EPHA3: variants seen among roughly 807,000 people sequenced by gnomAD.
The protein encoded by EPHA3 is ephrin type-A receptor 3.
Under a neutral mutation model 107.1 loss-of-function variants are expected in EPHA3, and 42 were observed. The observed-to-expected ratio is 0.39, with a 90% CI of 0.31 to 0.51. The LOEUF (loss-of-function observed/expected upper bound fraction) is 0.51. Ranked by LOEUF, EPHA3 falls within the 20% of genes least tolerant of loss-of-function variation. The probability of loss-of-function intolerance (pLI) is 0.78; values close to 1 mark genes in which losing one functional copy is unlikely to be tolerated. For missense variants in EPHA3, 1,183 were observed against 1,211.2 expected (o/e 0.98, Z 0.35); for synonymous variants, 461 against 424.8 (o/e 1.09, Z -1.05).
rs146564930 is a variant in EPHA3, at chr3:89,145,242, T to C, written c.153+17969T>C. On this transcript the variant is annotated intron_variant, in intron 2 of 16. Transcript: ENST00000336596. ...TATAATTCAAACAAGTTAGAAACAT[T>C]CTATTTTAGTTGTGTGTATTACATA... Among the ~76,000 whole-genome samples the C allele has an allele frequency of 6.0e-3, 893 of 150,012 alleles. 7 individuals carry two copies. Among genetic ancestry groups the C allele is most frequent in the African/African-American group, 0.02 (833 of 40,894 alleles).
intron 3 of EPHA3, among the ~76,000 whole-genome samples, chr3:89,336,058 C>G (rs1223850908): frequency 6.6e-6 from 1 of 152,112 alleles, no homozygotes; most frequent in Non-Finnish European, 1.5e-5. Context: ...TTTTTTCCAC[C>G]CTTCTTGTCT....
chr3:89,306,098 C>T (rs912120992), intron 3 of EPHA3, among the ~76,000 whole-genome samples: 1 of 152,070 alleles, frequency 6.6e-6, no homozygotes, highest in African/African-American at 2.4e-5. Context: ...TGATTGCTTA[C>T]TACATTCCAG....
intron 3 of EPHA3, among the ~76,000 whole-genome samples, chr3:89,267,408 C>T (rs1298609673): frequency 2.0e-5 from 3 of 152,090 alleles, no homozygotes. Context: ...TCAGATGTTA[C>T]TCTCTCAGGA....
At chr3:89,242,248 G>A (rs1267673841) in intron 3 of EPHA3, among the ~76,000 whole-genome samples, 1 of 152,170 alleles carries the variant, frequency 6.6e-6, no homozygotes, top group Non-Finnish European at 1.5e-5. Flanking sequence ...TCCCACTGCA[G>A]GTTAAAATCC....
intron 13 of EPHA3, among the ~76,000 whole-genome samples, chr3:89,444,157 T>C (rs1709834712): frequency 6.6e-6 from 1 of 152,142 alleles, no homozygotes; most frequent in Non-Finnish European, 1.5e-5. Context: ...TATAATCTAT[T>C]CAGTTTTTCA....
intron 14 of EPHA3, among the ~76,000 whole-genome samples, chr3:89,449,898 C>A (rs1436510881): frequency 6.6e-6 from 1 of 152,076 alleles, no homozygotes; most frequent in African/African-American, 2.4e-5. Context: ...ACCAAATTTG[C>A]TCTATCATTT....
intron 3 of EPHA3, among the ~76,000 whole-genome samples, chr3:89,232,321 G>A (rs1436542598): frequency 6.6e-6 from 1 of 152,116 alleles, no homozygotes; most frequent in East Asian, 1.9e-4. Context: ...ATTAGAGGAA[G>A]CTTTATTGCT....
chr3:89,133,722 G>A, intron 2 of EPHA3, among the ~76,000 whole-genome samples: 1 of 152,044 alleles, frequency 6.6e-6, no homozygotes, highest in East Asian at 1.9e-4. Context: ...GACCAATGCC[G>A]GCTGCAGGAA....
intron 13 of EPHA3, among the ~76,000 whole-genome samples, chr3:89,437,020 T>TA (rs1709685791): frequency 6.6e-6 from 1 of 152,170 alleles, no homozygotes. Context: ...ATGCATCCTG[T>TA]AAAACTCCAC....
At chr3:89,351,411 C>G (rs1365138577) in intron 5 of EPHA3, among the ~76,000 whole-genome samples, 7 of 150,830 alleles carry the variant, frequency 4.6e-5, no homozygotes, top group Admixed American at 2.0e-4. Context: ...TTCTTTGACT[C>G]GGAAAGGGAA....
intron 2 of EPHA3, among the ~76,000 whole-genome samples, chr3:89,194,115 T>C (rs961065238): frequency 1.3e-5 from 2 of 152,012 alleles, no homozygotes; most frequent in African/African-American, 4.8e-5. Flanking sequence ...TTTAGTCCAT[T>C]CCCAAATATT....
At chr3:89,275,803 A>G (rs1705790329) in intron 3 of EPHA3, among the ~76,000 whole-genome samples, 1 of 152,120 alleles carries the variant, frequency 6.6e-6, no homozygotes, top group South Asian at 2.1e-4. Context: ...CATTGACTCA[A>G]TATTTATTGA....
intron 3 of EPHA3, among the ~76,000 whole-genome samples, chr3:89,259,648 A>G (rs1188828051): frequency 1.3e-5 from 2 of 152,188 alleles, no homozygotes; most frequent in East Asian, 1.9e-4. Flanking sequence ...GCAGATTAAC[A>G]TATCTGTCAT....
At position 89,149,796 on chromosome 3, in the gene EPHA3, C is replaced by A. The variant is rs374137234; in HGVS notation, c.153+22523C>A. Among the ~76,000 whole-genome samples the A allele has an allele frequency of 4.3e-4, 66 of 151,880 alleles. 1 individual carries two copies. The East Asian group carries it at 0.011, about 26-fold the overall frequency. On this transcript the variant is annotated intron_variant, in intron 2 of 16. Coordinates refer to ENST00000336596, the MANE Select transcript of EPHA3 (RefSeq NM_005233.6). The stretch of plus-strand genomic sequence containing the variant: ...GTTATAAGAAACTAAAATTAAGATT[C>A]TTTAAAAGCAAAAAGAATTCACTGG...
chr3:89,180,796 A>G (rs1387235593), intron 2 of EPHA3, among the ~76,000 whole-genome samples: 1 of 151,998 alleles, frequency 6.6e-6, no homozygotes, highest in East Asian at 1.9e-4. Context: ...TACTTCACAT[A>G]AAATAAAAAC....
At chr3:89,232,122 G>A (rs1704649890) in intron 3 of EPHA3, among the ~76,000 whole-genome samples, 1 of 152,002 alleles carries the variant, frequency 6.6e-6, no homozygotes. Flanking sequence ...TTATATTTTG[G>A]GGTGTCGTGT....
chr3:89,238,902 G>C (rs1327303176), intron 3 of EPHA3, among the ~76,000 whole-genome samples: 1 of 152,056 alleles, frequency 6.6e-6, no homozygotes, highest in Non-Finnish European at 1.5e-5. Flanking sequence ...GAGTTATTTG[G>C]TATCCATGAA....
intron 2 of EPHA3, among the ~76,000 whole-genome samples, chr3:89,143,128 C>T (rs1274465840): frequency 6.6e-6 from 1 of 150,842 alleles, no homozygotes; most frequent in African/African-American, 2.4e-5. Flanking sequence ...TCTTTAAGTC[C>T]GGAATTCTGC....
At chr3:89,343,247 G>A (rs563334749) in intron 5 of EPHA3, among the ~76,000 whole-genome samples, 1 of 152,292 alleles carries the variant, frequency 6.6e-6, no homozygotes, top group African/African-American at 2.4e-5. Context: ...ACTCAGAAAG[G>A]TTAGTTCAAC....
Sources: gnomAD v4.1 joint callset for allele counts (sites outside exome capture counted in the v4.1 genomes callset) on GRCh38, gnomAD v4.1.1 for gene constraint, MANE v1.5 for transcripts, NCBI Gene and HGNC (gene_info 2026-07-23, HGNC 2026-07-21) for gene names.